TMEM63C: variants seen among roughly 807,000 people sequenced by gnomAD.
TMEM63C encodes the protein transmembrane protein 63C, also known as osmosensitive cation channel TMEM63C.
In TMEM63C, 32 loss-of-function variants were observed where a neutral mutation model predicts 99.2. The observed-to-expected ratio is 0.32, with a 90% CI of 0.24 to 0.43. The LOEUF is 0.43. TMEM63C is among the 20% of genes least tolerant of loss of function. The pLI is 1.00. For synonymous variants in TMEM63C, 376 were observed against 397.9 expected (o/e 0.94, Z 0.66); for missense variants, 826 against 1,053.0 (o/e 0.78, Z 2.98).
Position 77,220,137 on chromosome 14 carries a change from C to T in TMEM63C, c.312+50C>T, listed in dbSNP as rs1486226355. The T allele has an allele frequency of 4.6e-6, 7 of 1,511,168 alleles. No homozygotes were observed. The East Asian group carries it at 1.2e-4, about 27-fold the overall frequency. 93.6% of individuals were successfully genotyped at this position (1,511,168 alleles called of 1,614,324 possible). ...GGTGGGAGTCCCAGCACTGGGCAGG[C>T]AGGCGTGGTGTGCACAGGAAGAAAC... On this transcript the variant is annotated intron_variant, in intron 5 of 23. Transcript: ENST00000298351.
At chr14:77,246,586 AC>A in intron 17 of TMEM63C, 22 bp from the exon 18 acceptor site, 1 of 1,608,376 alleles carries the variant, frequency 6.2e-7, no homozygotes, top group Non-Finnish European at 8.5e-7. Context: ...TAACTAACAG[AC>A]CTGCCTTGTT....
chr14:77,189,817 G>A (rs530461191), intron 1 of TMEM63C, among the ~76,000 whole-genome samples: 2 of 152,288 alleles, frequency 1.3e-5, no homozygotes, highest in African/African-American at 4.8e-5. Flanking sequence ...AAAAGCAGCC[G>A]TGGGTGCTTA....
At chr14:77,203,382 GAAA>G (rs10554283) in intron 1 of TMEM63C, among the ~76,000 whole-genome samples, 18,093 of 123,096 alleles carry the variant, frequency 0.15, 1,361 homozygotes, top group African/African-American at 0.24. Flanking sequence ...ACTCCATCTT[GAAA>G]AAAAAAAAAA....
At chr14:77,249,535 T>G in intron 21 of TMEM63C, 77 bp downstream of exon 21, 1 of 1,520,118 alleles carries the variant, frequency 6.6e-7, no homozygotes, top group East Asian at 2.4e-5. Flanking sequence ...CTGACCCTGT[T>G]AGAGGAGAAA....
intron 18 of TMEM63C, among the ~76,000 whole-genome samples, chr14:77,247,323 G>A (rs1469283385): frequency 6.6e-6 from 1 of 151,894 alleles, no homozygotes; most frequent in African/African-American, 2.4e-5. Context: ...ACCTCAGCCT[G>A]CCGAGTAGCT....
chr14:77,186,811 G>GTGTGTGTC (rs1566614241), intron 1 of TMEM63C, among the ~76,000 whole-genome samples: 11 of 147,766 alleles, frequency 7.4e-5, no homozygotes, highest in East Asian at 6.2e-4. Context: ...CTGTGTGTGT[G>GTGTGTGTC]TGTGTGTGTC....
rs1046738003 is a variant in TMEM63C at position 77,231,639 on chromosome 14, G to C, written c.402G>C (p.Val134=). 1.2e-5 allele frequency: 19 copies of C among 1,551,492 alleles called. No individual in the cohort carries two copies. Among genetic ancestry groups the C allele is most frequent in the Middle Eastern group, 3.3e-4 (2 of 6,014 alleles). The change falls in exon 7 of 24, where the codon GTG becomes GTC. Residue 134 remains valine (V), a synonymous_variant. Coordinates refer to ENST00000298351, the MANE Select transcript of TMEM63C (RefSeq NM_020431.4). ...GGGACGACGCGCGCATCTACATCGTGTTCCAGTACCACCTCATCATCTTTG... is the reference window on the plus strand; with the variant it reads ...GGGACGACGCGCGCATCTACATCGTCTTCCAGTACCACCTCATCATCTTTG... ...KCGDDARIYI[V]FQYHLIIFVL...
rs544845721 is a variant in TMEM63C at position 77,182,698 on chromosome 14, G to T, written c.-77+804G>T. ...GAGAATGCAGGGAGTTGCAACTTCCGCATGGGGCTCCAGGGTATCATGGGT... is the reference window on the plus strand; with the variant it reads ...GAGAATGCAGGGAGTTGCAACTTCCTCATGGGGCTCCAGGGTATCATGGGT... On this transcript the variant is annotated intron_variant, in intron 1 of 23. Coordinates refer to ENST00000298351, the MANE Select transcript of TMEM63C (RefSeq NM_020431.4). 1.1e-4 allele frequency among the ~76,000 whole-genome samples: 16 copies of T among 152,248 alleles called. No homozygotes were observed. In the South Asian group the frequency reaches 3.3e-3, roughly 32 times the overall value.
At chr14:77,211,620 G>A (rs1016650081) in intron 1 of TMEM63C, among the ~76,000 whole-genome samples, 7 of 152,208 alleles carry the variant, frequency 4.6e-5, no homozygotes, top group Non-Finnish European at 8.8e-5. Flanking sequence ...GGGCAGCAGT[G>A]GATAAAACCA....
At chr14:77,191,772 G>A (rs1008288142) in intron 1 of TMEM63C, among the ~76,000 whole-genome samples, 13 of 151,710 alleles carry the variant, frequency 8.6e-5, no homozygotes, top group African/African-American at 1.9e-4. Context: ...TCGAACTCCC[G>A]ACCTCAGGTG....
chr14:77,244,285 A>G, intron 15 of TMEM63C, 64 bp from the exon 16 acceptor site: 1 of 1,259,328 alleles, frequency 7.9e-7, no homozygotes, highest in South Asian at 1.3e-5. Flanking sequence ...GGAGGAGAAG[A>G]AGCAAGGGGA....
intron 1 of TMEM63C, among the ~76,000 whole-genome samples, chr14:77,208,593 G>A (rs1888444976): frequency 6.6e-6 from 1 of 152,226 alleles, no homozygotes; most frequent in Non-Finnish European, 1.5e-5. Context: ...CTGCAAGGGA[G>A]TGTTGGAAAT....
chr14:77,204,209 G>A (rs1042039674), intron 1 of TMEM63C, among the ~76,000 whole-genome samples: 1 of 152,162 alleles, frequency 6.6e-6, no homozygotes, highest in African/African-American at 2.4e-5. Context: ...TGTGGTGAAT[G>A]TATTTGCTCC....
rs1290235265 is a variant in TMEM63C at position 77,240,690 on chromosome 14, C to T, written c.1064+82C>T. The T allele has an allele frequency of 2.0e-6, 3 of 1,531,470 alleles. No homozygotes were observed. The African/African-American group carries it at 4.1e-5, about 21-fold the overall frequency. The allele number at this position is 1,531,470 out of a possible 1,614,324, so 94.9% of individuals were successfully genotyped here. ...TCTCCTCCCTCTCCACCTCCAGTTT[C>T]CCCTTCTGCCTCCCCTGGGCCCTCC... On this transcript the variant is annotated intron_variant, in intron 13 of 23. Coordinates refer to ENST00000298351, the MANE Select transcript of TMEM63C (RefSeq NM_020431.4).
intron 2 of TMEM63C, among the ~76,000 whole-genome samples, chr14:77,216,145 A>C (rs111677901): frequency 3.6e-4 from 54 of 150,826 alleles, no homozygotes; most frequent in African/African-American, 1.3e-3. Context: ...AGAGAGAGAG[A>C]GCAACCATGG....
At chr14:77,186,924 G>C (rs1402501455) in intron 1 of TMEM63C, among the ~76,000 whole-genome samples, 2 of 152,110 alleles carry the variant, frequency 1.3e-5, no homozygotes, top group Non-Finnish European at 2.9e-5. Context: ...ATGTGCCCAG[G>C]CGTGTCAACT....
intron 1 of TMEM63C, among the ~76,000 whole-genome samples, chr14:77,207,974 G>A (rs1888432158): frequency 6.6e-6 from 1 of 152,170 alleles, no homozygotes; most frequent in Non-Finnish European, 1.5e-5. Flanking sequence ...GGAGGGGGCT[G>A]TGGAACCAGC....
At chr14:77,187,599 C>T (rs1421976067) in intron 1 of TMEM63C, among the ~76,000 whole-genome samples, 1 of 152,228 alleles carries the variant, frequency 6.6e-6, no homozygotes, top group East Asian at 1.9e-4. Context: ...GGACAGGAAG[C>T]CCCTGGCCTG....
At chr14:77,207,587 GTCTC>G (rs1888423726) in intron 1 of TMEM63C, among the ~76,000 whole-genome samples, 2 of 152,190 alleles carry the variant, frequency 1.3e-5, no homozygotes, top group Admixed American at 1.3e-4. Flanking sequence ...TCCTGCCTTT[GTCTC>G]TCTCCAGCTG....
Sources: allele counts gnomAD v4.1 joint callset (sites outside exome capture counted in the v4.1 genomes callset), GRCh38; gene constraint gnomAD v4.1.1; transcripts MANE v1.5; gene names NCBI Gene and HGNC (gene_info 2026-07-23, HGNC 2026-07-21).